MYLK: variants seen among roughly 807,000 people sequenced by gnomAD.
The protein encoded by MYLK is myosin light chain kinase.
Under a neutral mutation model 203.4 loss-of-function variants are expected in MYLK, and 106 were observed. The ratio of observed to expected loss-of-function variants is 0.52; its 90% CI spans 0.45 to 0.61. MYLK has a LOEUF of 0.61. MYLK is among the 20% of genes least tolerant of loss of function. The pLI is 0.00. For missense variants in MYLK, 2,072 were observed against 2,442.3 expected, an observed-to-expected ratio of 0.85 and a Z score of 3.20; for synonymous variants, 867 against 959.5, an observed-to-expected ratio of 0.90 and a Z score of 1.78.
At chr3:123,870,830 T>C (rs1352147344) in intron 2 of MYLK, among the ~76,000 whole-genome samples, 7 of 152,210 alleles carry the variant, frequency 4.6e-5, no homozygotes, top group Admixed American at 3.9e-4. Flanking sequence ...TTGAAAATAT[T>C]TTCTATCTGT....
At chr3:123,660,927 G>A (rs937518965) in intron 23 of MYLK, among the ~76,000 whole-genome samples, 3 of 152,218 alleles carry the variant, frequency 2.0e-5, no homozygotes, top group Non-Finnish European at 4.4e-5. Context: ...TAAGTGTACA[G>A]GCTCTGAATG....
intron 24 of MYLK, among the ~76,000 whole-genome samples, chr3:123,650,308 C>T (rs1176983336): frequency 3.3e-5 from 5 of 152,178 alleles, no homozygotes; most frequent in Admixed American, 6.5e-5. Flanking sequence ...GTCTGGGCTG[C>T]GTCCTGGCTG....
intron 8 of MYLK, among the ~76,000 whole-genome samples, chr3:123,736,496 C>T (rs1007397823): frequency 1.3e-5 from 2 of 152,086 alleles, no homozygotes; most frequent in Admixed American, 1.3e-4. Context: ...TGCACTCCCT[C>T]CTCAGCCCGG....
intron 4 of MYLK, among the ~76,000 whole-genome samples, chr3:123,768,240 G>A (rs1393747828): frequency 6.6e-6 from 1 of 152,192 alleles, no homozygotes; most frequent in Non-Finnish European, 1.5e-5. Context: ...TTACAACTGG[G>A]TCCAGGGTCA....
chr3:123,631,993 C>T lies in MYLK; in HGVS notation c.4962-2367G>A, dbSNP rs1236798968. ...CATGCCATTCTCCTGCCTCAGCCTCCCGAGTAGCTGGGACTACAGGTGCCC... is the reference window on the plus strand; with the variant it reads ...CATGCCATTCTCCTGCCTCAGCCTCTCGAGTAGCTGGGACTACAGGTGCCC... On this transcript the variant is annotated intron_variant, in intron 29 of 33. Coordinates refer to ENST00000360304, the MANE Select transcript of MYLK (RefSeq NM_053025.4). Among the ~76,000 whole-genome samples, 9 of 152,098 alleles carry T rather than the reference C, an allele frequency of 5.9e-5. No homozygotes were observed. In the East Asian group the frequency reaches 1.7e-3, roughly 29 times the overall value.
At position 123,738,825 on chromosome 3, in the gene MYLK, G is replaced by A. The variant is rs2062764283; in HGVS notation, c.588+72C>T. 3.9e-6 allele frequency: 6 copies of A among 1,542,376 alleles called. No homozygotes were observed. In the South Asian group the frequency reaches 7.1e-5, roughly 18 times the overall value. On this transcript the variant is annotated intron_variant, in intron 7 of 33. Coordinates refer to ENST00000360304, the MANE Select transcript of MYLK (RefSeq NM_053025.4). ...TTCCTTCATAAATTACCCAGTCTCGGGTATGTCTATTAGCAGCATGAGAAC... is the reference window on the plus strand; with the variant it reads ...TTCCTTCATAAATTACCCAGTCTCGAGTATGTCTATTAGCAGCATGAGAAC...
At chr3:123,808,515 T>C (rs1032457291) in intron 3 of MYLK, among the ~76,000 whole-genome samples, 16 of 152,108 alleles carry the variant, frequency 1.1e-4, no homozygotes, top group African/African-American at 3.6e-4. Flanking sequence ...TAAGTAGATT[T>C]TACAAATAAA....
intron 20 of MYLK, among the ~76,000 whole-genome samples, chr3:123,667,430 C>T (rs1403514927): frequency 6.6e-6 from 1 of 151,852 alleles, no homozygotes; most frequent in Admixed American, 6.6e-5. Flanking sequence ...GGTGAAACCC[C>T]ATCTCTACTA....
At chr3:123,828,323 T>C (rs1448820839) in intron 3 of MYLK, among the ~76,000 whole-genome samples, 3 of 152,136 alleles carry the variant, frequency 2.0e-5, no homozygotes. Context: ...CAATTGATTT[T>C]CAGCAAAGGT....
rs567345397 is a variant in MYLK, at chr3:123,725,719, T to C, written c.1651+225A>G. Among the ~76,000 whole-genome samples, 20 of 152,340 alleles carry C rather than the reference T, an allele frequency of 1.3e-4. No homozygotes were observed. In the South Asian group the frequency reaches 4.1e-3, roughly 32 times the overall value. ...ACCACCCTGCACATAGGCAGCATGA[T>C]TCCTGCCATGTAGATGGAGAACTCA... is the stretch of plus-strand genomic sequence containing the variant. On this transcript the variant is annotated intron_variant, in intron 12 of 33. Transcript: ENST00000360304.
intron 14 of MYLK, chr3:123,709,120 G>T: frequency 2.4e-6 from 1 of 408,188 alleles, no homozygotes. Context: ...TGAGATTTGG[G>T]AAGTTCTCAC....
chr3:123,676,685 C>A (rs1466996288), intron 20 of MYLK, among the ~76,000 whole-genome samples: 1 of 152,204 alleles, frequency 6.6e-6, no homozygotes, highest in Non-Finnish European at 1.5e-5. Context: ...GCATCATCCC[C>A]AGTGGCAGAA....
At chr3:123,811,301 G>C (rs990026809) in intron 3 of MYLK, among the ~76,000 whole-genome samples, 4 of 152,182 alleles carry the variant, frequency 2.6e-5, no homozygotes, top group Admixed American at 2.6e-4. Context: ...ACAGGCAAAT[G>C]CAGGGCCAAC....
chr3:123,740,119 G>A, intron 5 of MYLK, 118 bp from the exon 6 acceptor site: 1 of 962,476 alleles, frequency 1.0e-6, no homozygotes, highest in Non-Finnish European at 1.7e-6. Flanking sequence ...TCTTGACTGA[G>A]CATGGGCTGT....
At chr3:123,851,160 G>A (rs1344693716) in intron 2 of MYLK, among the ~76,000 whole-genome samples, 4 of 152,180 alleles carry the variant, frequency 2.6e-5, no homozygotes, top group Non-Finnish European at 5.9e-5. Context: ...TTGTAGTACA[G>A]TTTGAAGTCA....
chr3:123,794,768 C>T (rs1194063637), intron 3 of MYLK, among the ~76,000 whole-genome samples: 1 of 152,320 alleles, frequency 6.6e-6, no homozygotes, highest in South Asian at 2.1e-4. Context: ...ATTTTAAATA[C>T]ATTTCATCAT....
intron 20 of MYLK, among the ~76,000 whole-genome samples, chr3:123,676,728 G>A (rs2060083110): frequency 6.6e-6 from 1 of 152,228 alleles, no homozygotes; most frequent in African/African-American, 2.4e-5. Context: ...TGGAGCATGG[G>A]AACTTATGAA....
chr3:123,637,991 G>A lies in MYLK; in HGVS notation c.4961+80C>T, dbSNP rs904248324. On this transcript the variant is annotated intron_variant, in intron 29 of 33. Coordinates refer to ENST00000360304, the MANE Select transcript of MYLK (RefSeq NM_053025.4). ...CATGACAATGGCAGGGCAGCCTGGG[G>A]ACCCTCCTGTGGAACCCTCAGCCCC... 3.1e-6 allele frequency: 5 copies of A among 1,599,364 alleles called. No individual in the cohort carries two copies. The African/African-American group carries it at 6.7e-5, about 21-fold the overall frequency.
chr3:123,637,781 C>A (rs1267442771), intron 29 of MYLK, among the ~76,000 whole-genome samples: 1 of 152,034 alleles, frequency 6.6e-6, no homozygotes, highest in Non-Finnish European at 1.5e-5. Context: ...CCCTCCTGAC[C>A]AAAGGCCCCA....
Sources: gnomAD v4.1 joint callset for allele counts (sites outside exome capture counted in the v4.1 genomes callset) on GRCh38, gnomAD v4.1.1 for gene constraint, MANE v1.5 for transcripts, NCBI Gene and HGNC (gene_info 2026-07-23, HGNC 2026-07-21) for gene names.